Variants in GABRP observed in about 807,000 individuals in gnomAD.
The protein encoded by GABRP is gamma-aminobutyric acid receptor subunit pi.
GABRP carries 52 observed loss-of-function variants against 47.8 expected under a neutral mutation model. The ratio of observed to expected loss-of-function variants is 1.09; its 90% CI spans 0.87 to 1.37. GABRP has a LOEUF of 1.37. Among genes scored for constraint, GABRP ranks in the 40% most tolerant of loss-of-function variants. The pLI is 0.00. For missense variants in GABRP, 525 were observed against 542.8 expected (o/e 0.97, Z 0.33); for synonymous variants, 221 against 205.8 (o/e 1.07, Z -0.63).
chr5:170,789,066 G>A (rs897220080), intron 2 of GABRP, 63 bp from the exon 3 acceptor site: 7 of 1,274,278 alleles, frequency 5.5e-6, no homozygotes, highest in African/African-American at 2.9e-5. Context: ...AAGCTCAAGG[G>A]TGTGTACACG....
chr5:170,811,907 AT>A, intron 9 of GABRP, 48 bp from the exon 10 acceptor site: 5 of 1,534,872 alleles, frequency 3.3e-6, no homozygotes, highest in Non-Finnish European at 4.5e-6. Flanking sequence ...CTACTTATTT[AT>A]TTTGCTGAGT....
intron 6 of GABRP, 24 bp from the exon 7 acceptor site, chr5:170,805,692 C>T: frequency 1.2e-6 from 2 of 1,613,740 alleles, no homozygotes; most frequent in Non-Finnish European, 1.7e-6. Context: ...CTTGCACTGA[C>T]CAGGGCTCCA....
chr5:170,783,134 C>T (rs553133545), upstream of GABRP, among the ~76,000 whole-genome samples: 24 of 152,276 alleles, frequency 1.6e-4, no homozygotes, highest in African/African-American at 5.3e-4. Context: ...CCCAGTGTCT[C>T]TGTGTCTCCC....
intron 6 of GABRP, among the ~76,000 whole-genome samples, chr5:170,803,556 T>G (rs1193566571): frequency 6.6e-6 from 1 of 152,140 alleles, no homozygotes; most frequent in Non-Finnish European, 1.5e-5. Flanking sequence ...TTAGTACATT[T>G]CCGAGTAGTG....
Position 170,809,865 on chromosome 5 carries a change from G to A in GABRP, c.1020+110G>A, listed in dbSNP as rs927938403. ...CCCACCCCACCCGCAGTGATTCCCT[G>A]TGCTCCAGTGAGTCTTATCCTTGTT... On this transcript the variant is annotated intron_variant, in intron 9 of 9. Transcript: ENST00000265294. The A allele has an allele frequency of 6.8e-5, 68 of 1,000,316 alleles. 1 individual carries two copies. Among genetic ancestry groups the A allele is most frequent in the South Asian group, 2.6e-4 (18 of 68,374 alleles). 62.0% of individuals were successfully genotyped at this position (1,000,316 alleles called of 1,614,324 possible). A position where few individuals can be genotyped will look rare whatever the true frequency, so the allele number is the denominator to read the frequency against.
At chr5:170,790,826 G>A (rs992984519) in intron 3 of GABRP, among the ~76,000 whole-genome samples, 2 of 152,144 alleles carry the variant, frequency 1.3e-5, no homozygotes. Flanking sequence ...CATGAGAAGT[G>A]TGGCCTCGGA....
rs907863389 is a variant in GABRP, at chr5:170,792,455, A to T, written c.173-1776A>T. Among the ~76,000 whole-genome samples, 3 of 146,672 alleles carry T rather than the reference A, an allele frequency of 2.0e-5. No individual in the cohort carries two copies. The Admixed American group carries it at 2.0e-4, about 10-fold the overall frequency. On this transcript the variant is annotated intron_variant, in intron 3 of 9. Transcript: ENST00000265294. Reference sequence around the variant, plus strand: ...GAGACTCCATCTCAAAAAAAAAAAGAAAGAAAGAAAGACAGAAAAAGAAGA... The same window carrying T: ...GAGACTCCATCTCAAAAAAAAAAAGTAAGAAAGAAAGACAGAAAAAGAAGA...
intron 2 of GABRP, among the ~76,000 whole-genome samples, 193 bp from the exon 3 acceptor site, chr5:170,788,936 C>A (rs1765193931): frequency 6.6e-6 from 1 of 152,128 alleles, no homozygotes; most frequent in African/African-American, 2.4e-5. Flanking sequence ...TGATCTATGG[C>A]AAATGGGTAA....
Position 170,808,730 on chromosome 5 carries a change from A to G in GABRP, c.810A>G (p.Ser270=). The G allele has an allele frequency of 6.2e-7, 1 of 1,614,130 alleles. No individual in the cohort carries two copies. The highest frequency in any genetic ancestry group is 8.5e-7 in the Non-Finnish European group (1 of 1,179,990). The change falls in exon 8 of 10, where the codon TCA becomes TCG. Residue 270 remains serine, a synonymous_variant. Coordinates refer to ENST00000265294, the MANE Select transcript of GABRP (RefSeq NM_014211.3). ...SWVSFWISLD[S]VPARTCIGVT... Reference sequence around the variant, plus strand: ...TTTCATTTTGGATCTCTCTCGATTCAGTCCCTGCAAGAACCTGCATTGGTA... The same window carrying G: ...TTTCATTTTGGATCTCTCTCGATTCGGTCCCTGCAAGAACCTGCATTGGTA...
At chr5:170,790,416 A>G (rs1765234533) in intron 3 of GABRP, among the ~76,000 whole-genome samples, 1 of 152,196 alleles carries the variant, frequency 6.6e-6, no homozygotes, top group African/African-American at 2.4e-5. Context: ...GGTTATTTTC[A>G]TCCCTTCTCC....
In GABRP at chr5:170,809,765, T is replaced by G; in HGVS notation, c.1020+10T>G. ...GGCAGCCAAAGATAGGGTAAGAGTC[T>G]TGAGGGCCCTGTGTATGATCCATCA... On this transcript the variant is annotated intron_variant, in intron 9 of 9. Coordinates refer to ENST00000265294, the MANE Select transcript of GABRP (RefSeq NM_014211.3). The G allele has an allele frequency of 6.3e-7, 1 of 1,577,900 alleles. No individual in the cohort carries two copies. Among genetic ancestry groups the G allele is most frequent in the Non-Finnish European group, 8.6e-7 (1 of 1,162,552 alleles).
intron 6 of GABRP, among the ~76,000 whole-genome samples, chr5:170,802,914 T>A (rs1210285484): frequency 6.6e-6 from 1 of 152,188 alleles, no homozygotes; most frequent in East Asian, 1.9e-4. Flanking sequence ...CACTATGGGT[T>A]TTTTTCTAAG....
intron 6 of GABRP, 123 bp from the exon 7 acceptor site, chr5:170,805,593 G>A: frequency 9.2e-7 from 1 of 1,091,784 alleles, no homozygotes; most frequent in Non-Finnish European, 1.3e-6. Context: ...GCATGGGATT[G>A]TCCTTGGACT....
Position 170,810,503 on chromosome 5 carries a change from C to T in GABRP, c.1020+748C>T, listed in dbSNP as rs547803774. On this transcript the variant is annotated intron_variant, in intron 9 of 9. Coordinates refer to ENST00000265294, the MANE Select transcript of GABRP (RefSeq NM_014211.3). ...ATTCCAACCTAAACCTACTTGGTTC[C>T]AAAGCCTGACACTTATCCGCTATTC... Among the ~76,000 whole-genome samples the T allele has an allele frequency of 5.4e-4, 82 of 152,230 alleles. 1 individual carries two copies. The South Asian group carries it at 0.016, about 30-fold the overall frequency.
chr5:170,798,684 A>G (rs1287275888), intron 6 of GABRP, among the ~76,000 whole-genome samples: 4 of 152,080 alleles, frequency 2.6e-5, no homozygotes, highest in African/African-American at 9.7e-5. Context: ...AAGGTCATGG[A>G]CTTTTCATCA....
intron 9 of GABRP, among the ~76,000 whole-genome samples, chr5:170,810,487 T>G (rs1263839215): frequency 6.6e-6 from 1 of 152,222 alleles, no homozygotes; most frequent in East Asian, 1.9e-4. Context: ...GATTCCAACC[T>G]AAACCTACTT....
intron 2 of GABRP, 66 bp from the exon 3 acceptor site, chr5:170,789,063 A>C: frequency 8.0e-7 from 1 of 1,250,786 alleles, no homozygotes; most frequent in South Asian, 1.3e-5. Flanking sequence ...CACAAGCTCA[A>C]GGGTGTGTAC....
chr5:170,793,695 A>AC (rs1477752320), intron 3 of GABRP, among the ~76,000 whole-genome samples: 1 of 152,128 alleles, frequency 6.6e-6, no homozygotes, highest in African/African-American at 2.4e-5. Flanking sequence ...CATAGGAAAA[A>AC]CCCTCCATGT....
intron 4 of GABRP, 21 bp downstream of exon 4, chr5:170,794,319 C>A: frequency 6.6e-7 from 1 of 1,519,790 alleles, no homozygotes; most frequent in Non-Finnish European, 9.1e-7. Context: ...TTCCTTTGTA[C>A]TCTACCCAAG....
Sources: allele counts gnomAD v4.1 joint callset (sites outside exome capture counted in the v4.1 genomes callset), GRCh38; gene constraint gnomAD v4.1.1; transcripts MANE v1.5; gene names NCBI Gene and HGNC (gene_info 2026-07-23, HGNC 2026-07-21).